TEX9: variants seen among roughly 807,000 people sequenced by gnomAD.
TEX9 encodes testis expressed 9, also known as testis-expressed protein 9.
In TEX9, 74 loss-of-function variants were observed where a neutral mutation model predicts 59.6. The observed-to-expected ratio is 1.24, with a 90% CI of 1.03 to 1.51. TEX9 has a LOEUF of 1.51. Among genes scored for constraint, TEX9 ranks in the 40% most tolerant of loss-of-function variants. The pLI, the probability that TEX9 is intolerant of heterozygous loss-of-function variation, is 0.00. For synonymous variants in TEX9, 186 were observed against 152.2 expected, an observed-to-expected ratio of 1.22 and a Z score of -1.64; for missense variants, 522 against 447.8, an observed-to-expected ratio of 1.17 and a Z score of -1.49.
intron 1 of TEX9, among the ~76,000 whole-genome samples, chr15:56,344,577 A>C (rs1170273050): frequency 6.6e-6 from 1 of 152,054 alleles, no homozygotes; most frequent in African/African-American, 2.4e-5. Flanking sequence ...AATGTTCTAA[A>C]ATTGATTGTG....
intron 1 of TEX9, among the ~76,000 whole-genome samples, chr15:56,326,900 A>G (rs1314547089): frequency 6.6e-6 from 1 of 152,226 alleles, no homozygotes; most frequent in East Asian, 1.9e-4. Flanking sequence ...ATCTAAGTCA[A>G]TAAGTTAATG....
chr15:56,399,564 T>C (rs1195708029), intron 9 of TEX9, among the ~76,000 whole-genome samples: 2 of 152,230 alleles, frequency 1.3e-5, no homozygotes, highest in African/African-American at 2.4e-5. Context: ...AGACAACTTC[T>C]GCAGACTTAA....
chr15:56,281,182 G>A (rs1334203252), intron 1 of TEX9, among the ~76,000 whole-genome samples: 2 of 152,202 alleles, frequency 1.3e-5, no homozygotes, highest in Non-Finnish European at 2.9e-5. Flanking sequence ...AAATATATTT[G>A]TGTTGCAGAA....
At chr15:56,249,453 G>A (rs1339751132) in intron 1 of TEX9, among the ~76,000 whole-genome samples, 1 of 151,368 alleles carries the variant, frequency 6.6e-6, no homozygotes, top group Non-Finnish European at 1.5e-5. Flanking sequence ...GAGAGAGAGA[G>A]GGAGGGAGGG....
chr15:56,446,768 A>G (rs918195396), downstream of TEX9: 16 of 1,164,168 alleles, frequency 1.4e-5, no homozygotes, highest in Middle Eastern at 2.0e-4. Context: ...CAATATGACA[A>G]TTTTTTAAGA....
chr15:56,438,763 T>C (rs964831142), intron 12 of TEX9, among the ~76,000 whole-genome samples: 3 of 152,076 alleles, frequency 2.0e-5, no homozygotes, highest in Non-Finnish European at 4.4e-5. Context: ...AGGGGTAATA[T>C]CCAGAATCTA....
At chr15:56,352,656 T>C (rs1216397352) in intron 1 of TEX9, among the ~76,000 whole-genome samples, 1 of 152,198 alleles carries the variant, frequency 6.6e-6, no homozygotes, top group African/African-American at 2.4e-5. Flanking sequence ...GCACTTCTGT[T>C]CTTGTTTATT....
intron 12 of TEX9, among the ~76,000 whole-genome samples, chr15:56,439,771 A>G (rs1000102824): frequency 9.2e-5 from 14 of 151,616 alleles, no homozygotes; most frequent in Non-Finnish European, 1.9e-4. Flanking sequence ...AAACCCAAAA[A>G]AACAAAACAC....
At chr15:56,430,777 A>G (rs907183349) in intron 12 of TEX9, among the ~76,000 whole-genome samples, 2 of 152,062 alleles carry the variant, frequency 1.3e-5, no homozygotes, top group African/African-American at 4.8e-5. Flanking sequence ...ACCAGTGACA[A>G]TGTTTTCATA....
intron 1 of TEX9, among the ~76,000 whole-genome samples, chr15:56,352,642 G>A (rs1476775705): frequency 6.6e-6 from 1 of 152,100 alleles, no homozygotes; most frequent in African/African-American, 2.4e-5. Context: ...TGCAGTGGCT[G>A]ATGGCACTTC....
intron 1 of TEX9, among the ~76,000 whole-genome samples, chr15:56,340,232 G>T (rs1260621507): frequency 1.3e-5 from 2 of 152,094 alleles, no homozygotes; most frequent in Non-Finnish European, 2.9e-5. Context: ...TCTGCCAATT[G>T]CTAAGTATAT....
At chr15:56,445,764 C>T (rs944835458) in exon 13 of TEX9, 2 of 151,974 alleles carry the variant, frequency 1.3e-5, no homozygotes, top group African/African-American at 2.4e-5. Flanking sequence ...TTTTGTGGAT[C>T]AATTTTTATT....
At chr15:56,300,708 GGAGAGAGAGAGAGAGAGAGAGA>G (rs60361737) in intron 1 of TEX9, among the ~76,000 whole-genome samples, 9 of 102,670 alleles carry the variant, frequency 8.8e-5, no homozygotes, top group Admixed American at 2.0e-4. Context: ...AGAGAGAGAG[GGAGAGAGAGAGAGAGAGAGAGA>G]GAGAGAGAGA....
intron 9 of TEX9, among the ~76,000 whole-genome samples, chr15:56,410,506 G>C (rs1335463394): frequency 8.6e-5 from 13 of 151,640 alleles, no homozygotes; most frequent in Non-Finnish European, 1.6e-4. Context: ...CAGGACTTCA[G>C]ATTTTTCGTG....
rs1289656438 is a variant in TEX9 at position 56,432,762 on chromosome 15, G to A, written c.*29+4289G>A. Among the ~76,000 whole-genome samples, 61 of 152,164 alleles carry A rather than the reference G, an allele frequency of 4.0e-4. 1 individual carries two copies. The highest frequency in any genetic ancestry group is 1.5e-5 in the Non-Finnish European group (1 of 68,024). On this transcript the variant is annotated intron_variant, in intron 12 of 12. Coordinates refer to ENST00000352903, the Ensembl canonical transcript of TEX9. The stretch of plus-strand genomic sequence containing the variant: ...TGATCCTGCTTAGCTTCTGAGAACA[G>A]ATGAGCTCCAATCTGAAATATAACA...
chr15:56,321,612 G>T (rs1160121305), intron 1 of TEX9, among the ~76,000 whole-genome samples: 1 of 152,138 alleles, frequency 6.6e-6, no homozygotes, highest in African/African-American at 2.4e-5. Context: ...AGGAGAGGAG[G>T]AATCTGAGCC....
intron 1 of TEX9, among the ~76,000 whole-genome samples, chr15:56,319,644 G>A (rs2045858937): frequency 1.3e-5 from 2 of 152,056 alleles, no homozygotes. Flanking sequence ...CAACTTGTCT[G>A]GGCCCAGCAG....
intron 1 of TEX9, among the ~76,000 whole-genome samples, chr15:56,358,706 C>T (rs2046734237): frequency 6.6e-6 from 1 of 151,964 alleles, no homozygotes. Flanking sequence ...CTTTGTGTTC[C>T]CACCCAAACC....
chr15:56,255,822 A>G (rs1177440423), intron 1 of TEX9, among the ~76,000 whole-genome samples: 1 of 152,080 alleles, frequency 6.6e-6, no homozygotes, highest in African/African-American at 2.4e-5. Context: ...TGATAGATCA[A>G]GTAGGAAAAA....
Sources: gnomAD v4.1 joint callset for allele counts (sites outside exome capture counted in the v4.1 genomes callset) on GRCh38, gnomAD v4.1.1 for gene constraint, MANE v1.5 for transcripts, NCBI Gene and HGNC (gene_info 2026-07-23, HGNC 2026-07-21) for gene names.